Variants in ROBO2 observed in about 807,000 individuals in gnomAD.
The protein encoded by ROBO2 is roundabout guidance receptor 2.
In ROBO2, 53 loss-of-function variants were observed where a neutral mutation model predicts 160.8. The observed-to-expected ratio is 0.33, with a 90% CI of 0.26 to 0.41. ROBO2 has a LOEUF of 0.41. ROBO2 is among the 10% of genes least tolerant of loss of function. The pLI, the probability that ROBO2 is intolerant of heterozygous loss-of-function variation, is 1.00. For missense variants in ROBO2, 1,577 were observed against 1,722.4 expected (o/e 0.92, Z 1.49); for synonymous variants, 664 against 611.7 (o/e 1.09, Z -1.26).
chr3:76,659,690 A>G (rs1021075034), intron 2 of ROBO2, among the ~76,000 whole-genome samples: 3 of 152,210 alleles, frequency 2.0e-5, no homozygotes, highest in African/African-American at 7.2e-5. Flanking sequence ...TTAATATTTT[A>G]AAGAATTGGC....
intron 2 of ROBO2, among the ~76,000 whole-genome samples, chr3:76,315,178 G>A (rs1259634326): frequency 6.6e-6 from 1 of 152,144 alleles, no homozygotes; most frequent in African/African-American, 2.4e-5. Context: ...ACTTGACCTT[G>A]ACTCCATTTC....
intron 4 of ROBO2, among the ~76,000 whole-genome samples, chr3:77,486,537 T>TC: frequency 2.8e-5 from 1 of 35,570 alleles, no homozygotes. Context: ...CTTTTTTTCA[T>TC]ATGTTTGTTA....
intron 2 of ROBO2, among the ~76,000 whole-genome samples, chr3:76,802,914 G>A (rs1422929881): frequency 6.6e-6 from 1 of 152,152 alleles, no homozygotes; most frequent in African/African-American, 2.4e-5. Flanking sequence ...GTGGCCAGGA[G>A]AGAAGCAGAA....
intron 2 of ROBO2, among the ~76,000 whole-genome samples, chr3:76,160,760 C>T (rs1321109802): frequency 6.6e-6 from 1 of 152,066 alleles, no homozygotes; most frequent in African/African-American, 2.4e-5. Context: ...TCCTGAGTGC[C>T]TCAAGCTACA....
intron 1 of ROBO2, among the ~76,000 whole-genome samples, chr3:77,060,407 C>T (rs1261697365): frequency 6.6e-6 from 1 of 152,156 alleles, no homozygotes; most frequent in African/African-American, 2.4e-5. Flanking sequence ...AACTCGAGAA[C>T]AATGAACAGA....
chr3:76,394,949 C>G (rs565147855), intron 2 of ROBO2, among the ~76,000 whole-genome samples: 2 of 151,888 alleles, frequency 1.3e-5, no homozygotes, highest in Non-Finnish European at 2.9e-5. Context: ...TATCCAGGAA[C>G]TGAACTCAGC....
intron 2 of ROBO2, among the ~76,000 whole-genome samples, chr3:76,736,425 A>G (rs1011821016): frequency 1.3e-5 from 2 of 152,170 alleles, no homozygotes; most frequent in African/African-American, 4.8e-5. Flanking sequence ...GCAATGCTGA[A>G]TGCCGTCAGT....
chr3:76,708,538 C>A (rs558845613), intron 2 of ROBO2, among the ~76,000 whole-genome samples: 2 of 152,248 alleles, frequency 1.3e-5, no homozygotes, highest in South Asian at 4.1e-4. Context: ...AAAAACCACA[C>A]AAAAAACAGT....
intron 2 of ROBO2, among the ~76,000 whole-genome samples, chr3:77,413,417 AG>A (rs1412956386): frequency 6.6e-6 from 1 of 152,164 alleles, no homozygotes; most frequent in East Asian, 1.9e-4. Flanking sequence ...AGCCATGAGC[AG>A]GGGCCAGGTC....
At chr3:77,464,075 T>C (rs1185918719) in intron 2 of ROBO2, among the ~76,000 whole-genome samples, 4 of 152,216 alleles carry the variant, frequency 2.6e-5, no homozygotes, top group African/African-American at 9.6e-5. Context: ...AGATCATTTG[T>C]TCAGGCTTCA....
chr3:77,317,511 GT>G, intron 2 of ROBO2: 1 of 1,448,788 alleles, frequency 6.9e-7, no homozygotes. Flanking sequence ...CTCAGATTTC[GT>G]TTTCAAATCA....
chr3:77,024,759 T>G (rs2149522037), intron 2 of ROBO2, among the ~76,000 whole-genome samples: 1 of 152,312 alleles, frequency 6.6e-6, no homozygotes, highest in South Asian at 2.1e-4. Context: ...CACATGAATC[T>G]CAGTATGACC....
At chr3:77,057,868 C>A (rs2065914059) in intron 1 of ROBO2, among the ~76,000 whole-genome samples, 1 of 151,894 alleles carries the variant, frequency 6.6e-6, no homozygotes, top group African/African-American at 2.4e-5. Context: ...CGCGTCCTGG[C>A]AATATATTTT....
At chr3:77,507,871 C>T (rs1194479300) in intron 5 of ROBO2, among the ~76,000 whole-genome samples, 1 of 151,802 alleles carries the variant, frequency 6.6e-6, no homozygotes, top group Non-Finnish European at 1.5e-5. Context: ...GAAAATAATA[C>T]CTGCAATATT....
intron 2 of ROBO2, among the ~76,000 whole-genome samples, chr3:76,520,533 C>A (rs1392467907): frequency 2.0e-5 from 3 of 152,126 alleles, no homozygotes; most frequent in African/African-American, 7.2e-5. Flanking sequence ...TGCTTATAGT[C>A]ACTGGATTTT....
intron 2 of ROBO2, among the ~76,000 whole-genome samples, chr3:76,328,152 C>G (rs1451823279): frequency 6.6e-6 from 1 of 152,154 alleles, no homozygotes; most frequent in Non-Finnish European, 1.5e-5. Flanking sequence ...AGTGATATAT[C>G]TATCTTGGGA....
At chr3:76,129,761 C>T (rs1485076772) in intron 2 of ROBO2, among the ~76,000 whole-genome samples, 2 of 151,994 alleles carry the variant, frequency 1.3e-5, no homozygotes, top group Non-Finnish European at 2.9e-5. Context: ...GGCAATTCCC[C>T]ACATGCTTGG....
At chr3:77,192,210 T>G (rs2081918062) in intron 2 of ROBO2, among the ~76,000 whole-genome samples, 2 of 152,234 alleles carry the variant, frequency 1.3e-5, no homozygotes, top group African/African-American at 4.8e-5. Flanking sequence ...GATATTATTC[T>G]ATCTTTGCAA....
chr3:77,071,805 C>T (rs1230222633), intron 1 of ROBO2, among the ~76,000 whole-genome samples: 1 of 152,166 alleles, frequency 6.6e-6, no homozygotes, highest in Non-Finnish European at 1.5e-5. Flanking sequence ...TTGCACGAGG[C>T]TGAGCCCTGT....
Sources: gnomAD v4.1 joint callset for allele counts (sites outside exome capture counted in the v4.1 genomes callset) on GRCh38, gnomAD v4.1.1 for gene constraint, MANE v1.5 for transcripts, NCBI Gene and HGNC (gene_info 2026-07-23, HGNC 2026-07-21) for gene names.